The following LRFN5 variants were observed in gnomAD, a reference collection of about 807,000 sequenced individuals.
LRFN5 encodes leucine-rich repeat and fibronectin type-III domain-containing protein 5.
Under a neutral mutation model 45.6 loss-of-function variants are expected in LRFN5, and 24 were observed. That is an observed-to-expected ratio of 0.53 (90% CI 0.38 to 0.74). The LOEUF is 0.74. LRFN5 is among the 30% of genes least tolerant of loss of function. LRFN5 has a pLI of 0.00. For missense variants in LRFN5, 776 were observed against 861.5 expected (o/e 0.90, Z 1.24); for synonymous variants, 340 against 313.8 (o/e 1.08, Z -0.88).
chr14:41,737,701 C>A (rs1410949135), intron 1 of LRFN5, among the ~76,000 whole-genome samples: 2 of 152,060 alleles, frequency 1.3e-5, no homozygotes. Context: ...TTCCTATGCA[C>A]CAATAATAGA....
chr14:41,664,617 A>G (rs561754765), intron 1 of LRFN5, among the ~76,000 whole-genome samples: 27 of 152,110 alleles, frequency 1.8e-4, no homozygotes, highest in African/African-American at 5.5e-4. Context: ...AGCTATGATC[A>G]CACTACTGTA....
chr14:41,753,898 G>A (rs1885251705), intron 1 of LRFN5, among the ~76,000 whole-genome samples: 1 of 152,080 alleles, frequency 6.6e-6, no homozygotes, highest in African/African-American at 2.4e-5. Flanking sequence ...TTGGCTGTGG[G>A]TTTGTCATAG....
intron 2 of LRFN5, among the ~76,000 whole-genome samples, chr14:41,818,902 T>C (rs1192664317): frequency 1.3e-5 from 2 of 152,100 alleles, no homozygotes; most frequent in African/African-American, 4.8e-5. Flanking sequence ...AAACCTCCTA[T>C]ATTTTTAAGT....
At chr14:41,882,517 T>C (rs2139141385) in intron 2 of LRFN5, among the ~76,000 whole-genome samples, 1 of 152,302 alleles carries the variant, frequency 6.6e-6, no homozygotes, top group South Asian at 2.1e-4. Flanking sequence ...TCTTTCAATT[T>C]TCCTTTCCTT....
chr14:41,894,473 T>G, intron 4 of LRFN5: 3 of 959,566 alleles, frequency 3.1e-6, no homozygotes, highest in South Asian at 4.8e-5. Context: ...ACACTTGTTC[T>G]TAAAAATGAT....
chr14:41,836,391 A>T (rs1275259478), intron 2 of LRFN5, among the ~76,000 whole-genome samples: 1 of 152,220 alleles, frequency 6.6e-6, no homozygotes, highest in Non-Finnish European at 1.5e-5. Context: ...CACATACTTG[A>T]TATACATGTA....
rs1881733660 is a variant in LRFN5 at position 41,678,377 on chromosome 14, A to G, written c.-197+69815A>G. ...GATTAAAATATATATACATCTAACA[A>G]CAGAGGCCCAAATTTATGAAGCAAA... is the stretch of plus-strand genomic sequence containing the variant. On this transcript the variant is annotated intron_variant, in intron 1 of 5. Transcript: ENST00000298119. Among the ~76,000 whole-genome samples, 3 of 152,136 alleles carry G rather than the reference A, an allele frequency of 2.0e-5. No homozygotes were observed. In the South Asian group the frequency reaches 6.2e-4, roughly 31 times the overall value.
chr14:41,878,263 C>T (rs1341149196), intron 2 of LRFN5, among the ~76,000 whole-genome samples: 1 of 152,162 alleles, frequency 6.6e-6, no homozygotes, highest in East Asian at 1.9e-4. Flanking sequence ...ACATTTGTCC[C>T]CAGACATTAG....
intron 2 of LRFN5, among the ~76,000 whole-genome samples, chr14:41,810,604 T>A (rs932680247): frequency 2.0e-5 from 3 of 152,090 alleles, no homozygotes; most frequent in Non-Finnish European, 4.4e-5. Flanking sequence ...AGATACAGGT[T>A]AAAATTATTT....
chr14:41,801,383 C>T (rs1594421232), intron 2 of LRFN5, among the ~76,000 whole-genome samples: 1 of 152,104 alleles, frequency 6.6e-6, no homozygotes, highest in African/African-American at 2.4e-5. Flanking sequence ...TATTCTTAAT[C>T]TTTCATTTTG....
Position 41,825,276 on chromosome 14 carries a change from T to C in LRFN5, c.-21+58247T>C, listed in dbSNP as rs138178254. Among the ~76,000 whole-genome samples, 529 of 152,170 alleles carry C rather than the reference T, an allele frequency of 3.5e-3. 5 individuals carry two copies. Among genetic ancestry groups the C allele is most frequent in the African/African-American group, 0.012 (508 of 41,536 alleles). On this transcript the variant is annotated intron_variant, in intron 2 of 5. Transcript: ENST00000298119. ...CGCCAAGCCCCTGGGAGAGGAACCC[T>C]AGAGGGTTGGGAGGGGGAGAAGTCC... is the stretch of plus-strand genomic sequence containing the variant.
intron 2 of LRFN5, among the ~76,000 whole-genome samples, chr14:41,850,675 T>C (rs1889235485): frequency 6.6e-6 from 1 of 151,858 alleles, no homozygotes. Context: ...GCTGAATTAA[T>C]TTCCATGAGC....
At chr14:41,898,321 G>A (rs1004112011) in intron 4 of LRFN5, among the ~76,000 whole-genome samples, 4 of 151,934 alleles carry the variant, frequency 2.6e-5, no homozygotes, top group African/African-American at 9.7e-5. Context: ...ATAGGCAATT[G>A]GAACCTACAT....
chr14:41,830,020 A>G (rs1167387163), intron 2 of LRFN5, among the ~76,000 whole-genome samples: 2 of 151,310 alleles, frequency 1.3e-5, no homozygotes, highest in Non-Finnish European at 3.0e-5. Flanking sequence ...CTCTAATTGT[A>G]TCTTAATACA....
chr14:41,711,865 C>G (rs1883297957), intron 1 of LRFN5, among the ~76,000 whole-genome samples: 1 of 152,096 alleles, frequency 6.6e-6, no homozygotes, highest in South Asian at 2.1e-4. Flanking sequence ...GAATATAAAA[C>G]CGTTTTGTGT....
chr14:41,803,106 T>G (rs982582883), intron 2 of LRFN5, among the ~76,000 whole-genome samples: 12 of 152,138 alleles, frequency 7.9e-5, no homozygotes, highest in Admixed American at 7.9e-4. Context: ...AAGATATTAG[T>G]GGTTTTCAAG....
intron 3 of LRFN5, among the ~76,000 whole-genome samples, chr14:41,888,769 G>A (rs1050034526): frequency 2.0e-5 from 3 of 151,970 alleles, no homozygotes; most frequent in Non-Finnish European, 4.4e-5. Context: ...GGATGATGAT[G>A]GAGAATTTGC....
intron 1 of LRFN5, among the ~76,000 whole-genome samples, chr14:41,753,381 C>A (rs61992410): frequency 2.0e-5 from 3 of 152,108 alleles, no homozygotes; most frequent in Admixed American, 6.6e-5. Context: ...CACAATATTG[C>A]TTATTCCTAC....
At chr14:41,876,146 C>T (rs1444497392) in intron 2 of LRFN5, among the ~76,000 whole-genome samples, 1 of 152,138 alleles carries the variant, frequency 6.6e-6, no homozygotes, top group African/African-American at 2.4e-5. Context: ...GACCAGAAAT[C>T]ATTTCTCCAC....
Sources: gnomAD v4.1 joint callset for allele counts (sites outside exome capture counted in the v4.1 genomes callset) on GRCh38, gnomAD v4.1.1 for gene constraint, MANE v1.5 for transcripts, NCBI Gene and HGNC (gene_info 2026-07-23, HGNC 2026-07-21) for gene names.